SLC38A12: variants seen among roughly 807,000 people sequenced by gnomAD.
The protein encoded by SLC38A12 is solute carrier family 38 member 12.
chr17:74,788,734 C>G, the SLC38A12 span: 2 of 1,523,312 alleles, frequency 1.3e-6, no homozygotes, highest in Non-Finnish European at 1.8e-6. Flanking sequence ...TTTTCCTTCT[C>G]TCTCTGTCTC....
the SLC38A12 span, among the ~76,000 whole-genome samples, chr17:74,804,020 GCTAA>G: frequency 6.6e-6 from 1 of 152,142 alleles, no homozygotes; most frequent in Non-Finnish European, 1.5e-5. Flanking sequence ...AATATTTTGT[GCTAA>G]CTAAAATGAA....
chr17:74,795,286 G>A, the SLC38A12 span, among the ~76,000 whole-genome samples: 1 of 152,206 alleles, frequency 6.6e-6, no homozygotes, highest in Non-Finnish European at 1.5e-5. Flanking sequence ...TCTGTCCTTA[G>A]CTCATGTCAC....
the SLC38A12 span, among the ~76,000 whole-genome samples, chr17:74,800,939 GACA>G: frequency 3.9e-5 from 6 of 152,226 alleles, no homozygotes; most frequent in African/African-American, 1.4e-4. Context: ...CCAGAAAGCA[GACA>G]GCCTGTCAAG....
chr17:74,835,306 C>T, the SLC38A12 span, among the ~76,000 whole-genome samples: 29 of 152,344 alleles, frequency 1.9e-4, no homozygotes, highest in African/African-American at 7.0e-4. Context: ...GGCGTGACCA[C>T]TGGCAACTTC....
chr17:74,836,832 T>A, the SLC38A12 span: 16 of 1,405,254 alleles, frequency 1.1e-5, no homozygotes, highest in African/African-American at 1.5e-5. This position sits in a 1 kb window ranked among gnomAD's most constrained non-coding sequence, Gnocchi z 4.2. Flanking sequence ...CCAGCTGGGG[T>A]TGTTCTCCCC....
chr17:74,791,282 A>G, the SLC38A12 span, among the ~76,000 whole-genome samples: 1 of 151,802 alleles, frequency 6.6e-6, no homozygotes, highest in African/African-American at 2.4e-5. Context: ...CCAGGCAGCT[A>G]CTCCAGCCAG....
the SLC38A12 span, chr17:74,819,860 G>A: frequency 1.9e-6 from 3 of 1,606,630 alleles, no homozygotes; most frequent in African/African-American, 2.7e-5. Context: ...CTGAGAAACA[G>A]CTCGAGTCTC....
the SLC38A12 span, among the ~76,000 whole-genome samples, chr17:74,809,873 C>G: frequency 5.3e-5 from 8 of 152,194 alleles, no homozygotes; most frequent in East Asian, 1.5e-3. Flanking sequence ...GCGCAGGTGC[C>G]CCACTGTTGG....
At chr17:74,798,689 A>G in the SLC38A12 span, among the ~76,000 whole-genome samples, 1 of 152,216 alleles carries the variant, frequency 6.6e-6, no homozygotes, top group African/African-American at 2.4e-5. Flanking sequence ...ATTAGGGCCC[A>G]TGGAGATTAT....
chr17:74,787,796 CCTT>C, the SLC38A12 span, among the ~76,000 whole-genome samples: 1 of 40,040 alleles, frequency 2.5e-5, no homozygotes, highest in African/African-American at 4.7e-5. Flanking sequence ...TCTCAAGTAT[CCTT>C]TTTTTTTTTT....
the SLC38A12 span, chr17:74,777,592 G>A: frequency 6.6e-7 from 1 of 1,509,154 alleles, no homozygotes; most frequent in South Asian, 1.2e-5. Flanking sequence ...TTGTCAGAGT[G>A]GTCAAGCCAA....
At chr17:74,836,366 G>A in the SLC38A12 span, 952 of 1,612,438 alleles carry the variant, frequency 5.9e-4, 5 homozygotes, top group East Asian at 0.013. This position sits in a 1 kb window ranked among gnomAD's most constrained non-coding sequence, Gnocchi z 4.2. Flanking sequence ...AGGGCGGCAC[G>A]TACCCGTGGG....
chr17:74,836,911 C>T, the SLC38A12 span: 1 of 1,361,086 alleles, frequency 7.3e-7, no homozygotes, highest in South Asian at 2.0e-5. The surrounding 1 kb of genome is among the most constrained non-coding windows in gnomAD (Gnocchi z 4.2). Flanking sequence ...GTCCTTCTGC[C>T]TGGGTGACGC....
At chr17:74,790,322 C>T in the SLC38A12 span, 40 of 1,600,670 alleles carry the variant, frequency 2.5e-5, 1 homozygote, top group South Asian at 2.8e-4. Flanking sequence ...CTCGCGGGCC[C>T]GCACTTCCCT....
the SLC38A12 span, chr17:74,790,899 T>A: frequency 1.3e-6 from 2 of 1,546,878 alleles, no homozygotes; most frequent in Non-Finnish European, 1.8e-6. Context: ...CTCACCACCC[T>A]CTGAAGCTCT....
chr17:74,799,541 G>A, the SLC38A12 span, among the ~76,000 whole-genome samples: 2 of 152,332 alleles, frequency 1.3e-5, no homozygotes, highest in Middle Eastern at 3.4e-3. Context: ...GTGACAGAGA[G>A]AGTCTTCCCA....
the SLC38A12 span, among the ~76,000 whole-genome samples, chr17:74,815,344 G>A: frequency 6.6e-6 from 1 of 152,194 alleles, no homozygotes; most frequent in Non-Finnish European, 1.5e-5. Flanking sequence ...GCGGCCTTGG[G>A]ATTGGCTGTG....
At chr17:74,821,150 T>A in the SLC38A12 span, among the ~76,000 whole-genome samples, 1 of 152,238 alleles carries the variant, frequency 6.6e-6, no homozygotes, top group African/African-American at 2.4e-5. Context: ...AAGTTTTTCC[T>A]TGCCTTGAGC....
chr17:74,824,759 C>T, the SLC38A12 span, among the ~76,000 whole-genome samples: 1 of 152,166 alleles, frequency 6.6e-6, no homozygotes, highest in African/African-American at 2.4e-5. Context: ...GGTCAGACAC[C>T]GTCCTCTTCA....
Sources: gnomAD v4.1 joint callset for allele counts (sites outside exome capture counted in the v4.1 genomes callset) on GRCh38, gnomAD v4.1.1 for gene constraint, Gnocchi (gnomAD v3.1) non-coding constraint, MANE v1.5 for transcripts, NCBI Gene and HGNC (gene_info 2026-07-23, HGNC 2026-07-21) for gene names.